Variants in NR3C2 observed in about 807,000 individuals in gnomAD.
The protein encoded by NR3C2 is nuclear receptor subfamily 3 group C member 2, also known as mineralocorticoid receptor.
Under a neutral mutation model 86.4 loss-of-function variants are expected in NR3C2, and 15 were observed. The observed-to-expected ratio is 0.17, with a 90% CI of 0.12 to 0.27. NR3C2 has a LOEUF of 0.27. NR3C2 is among the 10% of genes least tolerant of loss of function. The pLI, the probability that NR3C2 is intolerant of heterozygous loss-of-function variation, is 1.00. For synonymous variants in NR3C2, 458 were observed against 450.5 expected (o/e 1.02, Z -0.21); for missense variants, 960 against 1,195.6 (o/e 0.80, Z 2.91).
In NR3C2 at chr4:148,134,641, C is replaced by CTTTTTTTTTTT. The variant is rs1379133428; in HGVS notation, c.2511-14354_2511-14353insAAAAAAAAAAA. Among the ~76,000 whole-genome samples the CTTTTTTTTTTT allele has an allele frequency of 6.7e-4, 41 of 60,960 alleles. 1 individual carries two copies. The highest frequency in any genetic ancestry group is 1.2e-3 in the Admixed American group (7 of 5,754). The allele number at this position is 60,960 out of a possible 152,430, so 40.0% of individuals were successfully genotyped here. On this transcript the variant is annotated intron_variant, in intron 6 of 8. Transcript: ENST00000358102. ...TCCCTGTGATTCTCTCTCTCTCTCT[C>CTTTTTTTTTTT]TCTTTTTTTTTTTTTTTTTTTTTTT...
At chr4:148,191,157 G>C (rs1736178129) in intron 4 of NR3C2, among the ~76,000 whole-genome samples, 1 of 152,042 alleles carries the variant, frequency 6.6e-6, no homozygotes. Flanking sequence ...CCTTTTAGCA[G>C]TTCTTTTAGT....
chr4:148,240,114 T>C (rs978005987), intron 3 of NR3C2, among the ~76,000 whole-genome samples: 3 of 151,954 alleles, frequency 2.0e-5, no homozygotes, highest in Admixed American at 2.0e-4. Context: ...ACTTTAGTAG[T>C]ATATTTTTAT....
intron 3 of NR3C2, among the ~76,000 whole-genome samples, chr4:148,224,138 GA>G (rs78554332): frequency 0.49 from 71,056 of 143,862 alleles, 17,710 homozygotes; most frequent in South Asian, 0.6. Flanking sequence ...CAAAGAAAAA[GA>G]AAAAAAAAAA....
At chr4:148,439,782 G>A (rs1355578591) in intron 1 of NR3C2, among the ~76,000 whole-genome samples, 2 of 152,048 alleles carry the variant, frequency 1.3e-5, no homozygotes, top group African/African-American at 2.4e-5. Flanking sequence ...TGCACTTTTC[G>A]GCACTCTGCC....
intron 8 of NR3C2, among the ~76,000 whole-genome samples, chr4:148,101,008 A>T (rs1332745367): frequency 7.0e-6 from 1 of 142,666 alleles, no homozygotes; most frequent in Non-Finnish European, 1.5e-5. Context: ...TACTCCCAGT[A>T]GTCAAATTCA....
intron 2 of NR3C2, among the ~76,000 whole-genome samples, chr4:148,322,684 T>G (rs1290180511): frequency 2.6e-5 from 3 of 115,244 alleles, no homozygotes; most frequent in African/African-American, 1.1e-4. Flanking sequence ...CTCCTGAGGC[T>G]TCTGCATTCT....
At chr4:148,333,613 C>A (rs1365153149) in intron 2 of NR3C2, among the ~76,000 whole-genome samples, 1 of 152,174 alleles carries the variant, frequency 6.6e-6, no homozygotes, top group Non-Finnish European at 1.5e-5. Flanking sequence ...GTCCCACATG[C>A]TAGTCCCACA....
Position 148,120,297 on chromosome 4 carries a change from G to GA in NR3C2, c.2511-10dup. 1 of 1,613,904 alleles carries GA rather than the reference G, an allele frequency of 6.2e-7. No individual in the cohort carries two copies. The highest frequency in any genetic ancestry group is 8.5e-7 in the Non-Finnish European group (1 of 1,179,878). ...ACTGATGCATCTTCTCTCTGCAAAG[G>GA]AAAAGAAGAAAATGTCTGAGAATGC... On this transcript the variant is annotated splice_polypyrimidine_tract_variant and intron_variant, in intron 6 of 8. Transcript: ENST00000358102.
intron 2 of NR3C2, among the ~76,000 whole-genome samples, chr4:148,298,082 C>T (rs1193000659): frequency 6.6e-6 from 1 of 152,084 alleles, no homozygotes; most frequent in Non-Finnish European, 1.5e-5. Flanking sequence ...TCCAACAATT[C>T]CCCTCTTAGA....
intron 2 of NR3C2, among the ~76,000 whole-genome samples, chr4:148,418,407 T>TA (rs1163882792): frequency 6.6e-6 from 1 of 152,134 alleles, no homozygotes; most frequent in Non-Finnish European, 1.5e-5. Context: ...TGTATTGCTC[T>TA]AAAAAAAGAG....
intron 3 of NR3C2, among the ~76,000 whole-genome samples, chr4:148,207,675 G>T (rs185401092): frequency 8.5e-5 from 13 of 152,190 alleles, no homozygotes; most frequent in Non-Finnish European, 1.5e-5. Context: ...CATCCATAAA[G>T]TCAGTAACAA....
At chr4:148,139,064 G>T (rs989927176) in intron 6 of NR3C2, among the ~76,000 whole-genome samples, 7 of 152,220 alleles carry the variant, frequency 4.6e-5, no homozygotes, top group Non-Finnish European at 8.8e-5. Context: ...AATAAATCTT[G>T]GTTCTTTAAA....
intron 2 of NR3C2, among the ~76,000 whole-genome samples, chr4:148,370,022 C>G (rs141610668): frequency 1.3e-5 from 2 of 152,172 alleles, no homozygotes; most frequent in Admixed American, 1.3e-4. Flanking sequence ...GATGATGCAG[C>G]CAGCCCATCC....
intron 8 of NR3C2, among the ~76,000 whole-genome samples, chr4:148,097,373 T>C (rs540416567): frequency 6.6e-6 from 1 of 152,342 alleles, no homozygotes; most frequent in African/African-American, 2.4e-5. Context: ...AACACTGATT[T>C]AACGAATACT....
chr4:148,283,764 G>A (rs1487097544), intron 2 of NR3C2, among the ~76,000 whole-genome samples: 2 of 152,176 alleles, frequency 1.3e-5, no homozygotes, highest in Non-Finnish European at 2.9e-5. Context: ...CATAAATGCT[G>A]CTTAGGCAAC....
chr4:148,218,025 T>C (rs1737633049), intron 3 of NR3C2, among the ~76,000 whole-genome samples: 1 of 152,228 alleles, frequency 6.6e-6, no homozygotes, highest in South Asian at 2.1e-4. Flanking sequence ...ATAAATAGTT[T>C]TGTTGTCTTG....
chr4:148,385,326 AG>A (rs61764770), intron 2 of NR3C2, among the ~76,000 whole-genome samples: 24 of 152,364 alleles, frequency 1.6e-4, no homozygotes, highest in Admixed American at 5.9e-4. Flanking sequence ...AAGACCTTCA[AG>A]GTCAACCCTG....
At chr4:148,366,480 T>TTATAAAAAAGAATA (rs1561066887) in intron 2 of NR3C2, among the ~76,000 whole-genome samples, 1 of 19,360 alleles carries the variant, frequency 5.2e-5, no homozygotes, top group South Asian at 2.0e-3. Flanking sequence ...TAAAAAGTAC[T>TTATAAAAAAGAATA]CAGCACTTTT....
chr4:148,126,027 C>T (rs571216458), intron 6 of NR3C2, among the ~76,000 whole-genome samples: 14 of 152,330 alleles, frequency 9.2e-5, no homozygotes, highest in South Asian at 2.1e-4. Flanking sequence ...CAACACAACA[C>T]GCATTTCATA....
Sources: gnomAD v4.1 joint callset for allele counts (sites outside exome capture counted in the v4.1 genomes callset) on GRCh38, gnomAD v4.1.1 for gene constraint, MANE v1.5 for transcripts, NCBI Gene and HGNC (gene_info 2026-07-23, HGNC 2026-07-21) for gene names.